DNAH12: variants seen among roughly 807,000 people sequenced by gnomAD.
DNAH12 encodes dynein axonemal heavy chain 12, also known as axonemal beta dynein heavy chain 12.
DNAH12 carries 285 observed loss-of-function variants against 371.5 expected under a neutral mutation model. The ratio of observed to expected loss-of-function variants is 0.77; its 90% CI spans 0.70 to 0.85. The LOEUF (loss-of-function observed/expected upper bound fraction) is 0.85. Ranked by LOEUF, DNAH12 falls within the 40% of genes least tolerant of loss-of-function variation. The pLI is 0.00. For missense variants in DNAH12, 3,611 were observed against 3,689.4 expected (o/e 0.98, Z 0.55); for synonymous variants, 1,200 against 1,213.0 (o/e 0.99, Z 0.22).
chr3:57,300,661 G>A (rs1463134325), intron 70 of DNAH12, among the ~76,000 whole-genome samples: 18 of 152,100 alleles, frequency 1.2e-4, no homozygotes, highest in Admixed American at 9.8e-4. Flanking sequence ...ATTTTAAAGC[G>A]ATATAGGAGA....
intron 5 of DNAH12, among the ~76,000 whole-genome samples, chr3:57,509,748 G>A (rs538689185): frequency 3.5e-4 from 53 of 151,330 alleles, no homozygotes; most frequent in African/African-American, 1.2e-3. Flanking sequence ...TGTAGTCCCA[G>A]CTACTTGGGA....
At chr3:57,440,746 G>A (rs1261266365) in intron 29 of DNAH12, among the ~76,000 whole-genome samples, 1 of 152,146 alleles carries the variant, frequency 6.6e-6, no homozygotes, top group African/African-American at 2.4e-5. Context: ...CCAGCACTTT[G>A]GGAGGCCAAG....
intron 13 of DNAH12, among the ~76,000 whole-genome samples, chr3:57,476,133 A>G (rs373693380): frequency 6.6e-6 from 1 of 152,200 alleles, no homozygotes; most frequent in Non-Finnish European, 1.5e-5. Flanking sequence ...CTAACATAAC[A>G]TTGATGAGAG....
chr3:57,472,474 T>G, intron 14 of DNAH12, 72 bp downstream of exon 14: 2 of 1,499,380 alleles, frequency 1.3e-6, no homozygotes, highest in Non-Finnish European at 1.8e-6. Flanking sequence ...GGCCAGGAGA[T>G]ATGAAAATTA....
rs143837178 is a variant in DNAH12 at position 57,463,320 on chromosome 3, A to G, written c.2350-445T>C. 1.2e-4 allele frequency among the ~76,000 whole-genome samples: 19 copies of G among 152,092 alleles called. No homozygotes were observed. The East Asian group carries it at 3.7e-3, about 29-fold the overall frequency. On this transcript the variant is annotated intron_variant, in intron 17 of 73. Transcript: ENST00000495027. ...ATTATTTTAGAAATTCAAATTCATT[A>G]TATATACTATTTGCAGAAATATATA...
At chr3:57,367,187 T>C (rs892815886) in intron 56 of DNAH12, among the ~76,000 whole-genome samples, 16 of 152,090 alleles carry the variant, frequency 1.1e-4, no homozygotes, top group Non-Finnish European at 2.1e-4. Flanking sequence ...AAAAATTAGC[T>C]GGGTGTCATG....
chr3:57,481,240 A>G (rs2066732525), intron 13 of DNAH12, among the ~76,000 whole-genome samples: 1 of 152,224 alleles, frequency 6.6e-6, no homozygotes, highest in Non-Finnish European at 1.5e-5. Flanking sequence ...TACAAAATCA[A>G]TGTGCAAAAA....
chr3:57,552,097 T>C, the DNAH12 span, among the ~76,000 whole-genome samples: 3 of 151,780 alleles, frequency 2.0e-5, no homozygotes, highest in African/African-American at 7.3e-5. Flanking sequence ...TACAAAAAAT[T>C]AGCTGGGCAT....
chr3:57,405,757 C>T lies in DNAH12; in HGVS notation c.6472G>A (p.Asp2158Asn), dbSNP rs1483696967. The change falls in exon 41 of 74, where the codon GAT becomes AAT. Residue 2158 changes from aspartate to asparagine, a missense_variant. This residue lies in a region of DNAH12 where 2,266 missense variants were observed against 2,236.9 expected (regional missense o/e 1.01). Coordinates refer to ENST00000495027, the MANE Select transcript of DNAH12 (RefSeq NM_001366028.2). Reference sequence around the variant, plus strand: ...AACTGGAACAGCCATCTTCGATCATCATCATTAATGAGGCGATCATAAAAC... The same window carrying T: ...AACTGGAACAGCCATCTTCGATCATTATCATTAATGAGGCGATCATAAAAC... ...RVFYDRLIND[D>N]DRRWLFQLTK... 2 of 1,551,544 alleles carry T rather than the reference C, an allele frequency of 1.3e-6. No individual in the cohort carries two copies. Among genetic ancestry groups the T allele is most frequent in the Non-Finnish European group, 1.7e-6 (2 of 1,146,996 alleles).
At position 57,471,606 on chromosome 3, in the gene DNAH12, G is replaced by A; in HGVS notation, c.1777C>T (p.Leu593=). 1 of 1,524,912 alleles carries A rather than the reference G, an allele frequency of 6.6e-7. No individual in the cohort carries two copies. The highest frequency in any genetic ancestry group is 8.8e-7 in the Non-Finnish European group (1 of 1,137,630). The allele number at this position is 1,524,912 out of a possible 1,614,324, so 94.5% of individuals were successfully genotyped here. The change falls in exon 15 of 74, where the codon CTA becomes TTA. Residue 593 remains leucine, a splice_region_variant and synonymous_variant. Transcript: ENST00000495027. The part of the protein sequence containing the change: ...INPIFDENDE[L]IENAKHKKEN... Reference sequence around the variant, plus strand: ...TTTTTATGTTTAGCATTCTCAATTAGCTTTTTAAAAGACAATTTGATCATG... The same window carrying A: ...TTTTTATGTTTAGCATTCTCAATTAACTTTTTAAAAGACAATTTGATCATG...
At chr3:57,305,669 A>T (rs910699762) in intron 69 of DNAH12, among the ~76,000 whole-genome samples, 25 of 152,164 alleles carry the variant, frequency 1.6e-4, no homozygotes, top group African/African-American at 6.0e-4. Context: ...ACAGCCCTAG[A>T]CCCTAAAAGG....
intron 19 of DNAH12, among the ~76,000 whole-genome samples, chr3:57,460,216 T>G (rs1364429753): frequency 2.0e-5 from 3 of 152,108 alleles, no homozygotes; most frequent in African/African-American, 7.2e-5. Context: ...AGGCCAGAGA[T>G]GCAGTTAAAC....
intron 66 of DNAH12, among the ~76,000 whole-genome samples, chr3:57,313,247 C>T (rs914689920): frequency 6.6e-6 from 1 of 152,116 alleles, no homozygotes; most frequent in African/African-American, 2.4e-5. Context: ...AAGAACAGAC[C>T]ACCTATGGTG....
chr3:57,352,996 GGA>G (rs1267548181), intron 59 of DNAH12, among the ~76,000 whole-genome samples: 5 of 152,054 alleles, frequency 3.3e-5, no homozygotes, highest in Non-Finnish European at 5.9e-5. Flanking sequence ...GGCTGAGGCA[GGA>G]GAATTGCTTG....
rs1329451865 is a variant in DNAH12 at position 57,297,374 on chromosome 3, G to T, written c.11395-390C>A. 1.8e-3 allele frequency: 223 copies of T among 123,094 alleles called. 1 individual carries two copies. Among genetic ancestry groups the T allele is most frequent in the Non-Finnish European group, 2.5e-3 (156 of 61,302 alleles). 7.6% of individuals were successfully genotyped at this position (123,094 alleles called of 1,614,324 possible). On this transcript the variant is annotated intron_variant, in intron 70 of 73. Transcript: ENST00000495027. ...CCTTAACCCTATTTTTTTTTTTTTT[G>T]AGATGAAATCGCGCACCATTACCCA...
intron 4 of DNAH12, 50 bp from the exon 5 acceptor site, chr3:57,511,029 G>C (rs748461207): frequency 4.7e-5 from 66 of 1,400,736 alleles, no homozygotes; most frequent in Non-Finnish European, 6.1e-5. Context: ...TATCATTTCA[G>C]TGTAACTCCT....
chr3:57,440,824 C>T (rs538544689), intron 29 of DNAH12, among the ~76,000 whole-genome samples: 11 of 152,084 alleles, frequency 7.2e-5, no homozygotes, highest in Non-Finnish European at 1.5e-4. Context: ...CTCCTCTCTA[C>T]TAAAAATACA....
At chr3:57,416,825 C>T (rs2064390715) in intron 37 of DNAH12, among the ~76,000 whole-genome samples, 1 of 152,034 alleles carries the variant, frequency 6.6e-6, no homozygotes, top group Non-Finnish European at 1.5e-5. Flanking sequence ...ATGATCATAA[C>T]TAATTTTAAG....
chr3:57,449,472 A>G (rs1049720271), intron 25 of DNAH12, among the ~76,000 whole-genome samples: 1 of 152,214 alleles, frequency 6.6e-6, no homozygotes. Flanking sequence ...GGCGGGCTGC[A>G]GGTCCCGAGC....
Sources: allele counts gnomAD v4.1 joint callset (sites outside exome capture counted in the v4.1 genomes callset), GRCh38; gene constraint gnomAD v4.1.1; regional missense constraint gnomAD v4.1.1; transcripts MANE v1.5; gene names NCBI Gene and HGNC (gene_info 2026-07-23, HGNC 2026-07-21).